ATP6V0D2: variants seen among roughly 807,000 people sequenced by gnomAD.
ATP6V0D2 encodes ATPase H+ transporting V0 subunit d2.
Under a neutral mutation model 40.0 loss-of-function variants are expected in ATP6V0D2, and 40 were observed. The observed-to-expected ratio is 1.00, with a 90% confidence interval of 0.78 to 1.30. The LOEUF (loss-of-function observed/expected upper bound fraction) is 1.30, where lower values mean the gene tolerates loss of function less well. Ranked by LOEUF, ATP6V0D2 falls within the 50% of genes most tolerant of loss-of-function variation. ATP6V0D2 has a pLI of 0.00. For synonymous variants in ATP6V0D2, 179 were observed against 156.3 expected (o/e 1.15, Z -1.08); for missense variants, 470 against 423.1 (o/e 1.11, Z -0.97).
At chr8:86,127,108 G>A (rs1200024918) in intron 2 of ATP6V0D2, among the ~76,000 whole-genome samples, 1 of 152,162 alleles carries the variant, frequency 6.6e-6, no homozygotes, top group Admixed American at 6.5e-5. Context: ...AAAAAGGGAA[G>A]CTTCAGAGAA....
intron 2 of ATP6V0D2, among the ~76,000 whole-genome samples, chr8:86,135,745 G>A (rs532283694): frequency 7.2e-4 from 110 of 152,260 alleles, no homozygotes; most frequent in African/African-American, 2.6e-3. Context: ...ATGAGTAGGA[G>A]AAAAATTAAC....
chr8:86,130,531 A>C (rs1818808988), intron 2 of ATP6V0D2, among the ~76,000 whole-genome samples: 1 of 152,184 alleles, frequency 6.6e-6, no homozygotes, highest in Non-Finnish European at 1.5e-5. Context: ...CTTAAGAGAC[A>C]GACAGGAAAA....
chr8:86,112,533 T>C (rs1452476638), intron 1 of ATP6V0D2, among the ~76,000 whole-genome samples: 1 of 152,140 alleles, frequency 6.6e-6, no homozygotes, highest in African/African-American at 2.4e-5. Context: ...GAGTATTAAA[T>C]GAGATAATAC....
chr8:86,126,238 A>ATATATATATATATATATATATATATATC (rs1563560543), intron 2 of ATP6V0D2, among the ~76,000 whole-genome samples: 1 of 76,446 alleles, frequency 1.3e-5, no homozygotes, highest in Non-Finnish European at 2.6e-5. Flanking sequence ...TGCTCAGCCT[A>ATATATATATATATATATATATATATATC]TATATATATA....
At chr8:86,119,868 G>A (rs1433109482) in intron 2 of ATP6V0D2, among the ~76,000 whole-genome samples, 1 of 152,060 alleles carries the variant, frequency 6.6e-6, no homozygotes, top group African/African-American at 2.4e-5. Flanking sequence ...TCTCTGTCTG[G>A]ACTCCCTATT....
At chr8:86,120,965 G>C (rs1156550317) in intron 2 of ATP6V0D2, among the ~76,000 whole-genome samples, 3 of 152,098 alleles carry the variant, frequency 2.0e-5, no homozygotes, top group Non-Finnish European at 4.4e-5. Flanking sequence ...GTTGGCCTTG[G>C]AATGGAGCCC....
rs1818358337 is a variant in ATP6V0D2 at position 86,099,073 on chromosome 8, A to T, written c.95A>T (p.Asp32Val). Reference protein sequence around the residue: ...GCKASLLTQQDYINLVQCETL... With the variant: ...GCKASLLTQQVYINLVQCETL... ...AAGGCCAGCCTCCTGACCCAGCAAG[A>T]CTATATCAACCTGGTCCAGTGTGAG... Residue 32 changes from aspartate (D) to valine (V), a missense_variant, in exon 1 of 8, where the codon GAC becomes GTC. Coordinates refer to ENST00000285393, the MANE Select transcript of ATP6V0D2 (RefSeq NM_152565.1). 6.2e-7 allele frequency: 1 copy of T among 1,613,672 alleles called. No individual in the cohort carries two copies. Among genetic ancestry groups the T allele is most frequent in the African/African-American group, 1.3e-5 (1 of 74,778 alleles).
At chr8:86,111,799 C>T (rs569254130) in intron 1 of ATP6V0D2, among the ~76,000 whole-genome samples, 6 of 152,204 alleles carry the variant, frequency 3.9e-5, no homozygotes, top group Non-Finnish European at 7.3e-5. Context: ...TCATCTCCTT[C>T]AAGACACTTT....
Position 86,099,016 on chromosome 8 carries a change from A to T in ATP6V0D2, c.38A>T (p.His13Leu). 3.7e-6 allele frequency: 6 copies of T among 1,614,020 alleles called. No homozygotes were observed. Among genetic ancestry groups the T allele is most frequent in the Non-Finnish European group, 4.2e-6 (5 of 1,179,996 alleles). ...EGAELYFNVD[H>L]GYLEGLVRGC... ...GCGGAGCTGTACTTCAACGTGGACC[A>T]TGGCTACCTGGAGGGCCTGGTTCGA... is the stretch of plus-strand genomic sequence containing the variant. Residue 13 changes from histidine (H) to leucine (L), a missense_variant, in exon 1 of 8, where the codon CAT (histidine) becomes CTT (leucine). Coordinates refer to ENST00000285393, the MANE Select transcript of ATP6V0D2 (RefSeq NM_152565.1).
intron 2 of ATP6V0D2, among the ~76,000 whole-genome samples, chr8:86,118,032 TTTTC>T (rs1563558109): frequency 3.4e-5 from 5 of 148,102 alleles, no homozygotes; most frequent in South Asian, 2.2e-4. Flanking sequence ...CTTTCTTTTT[TTTTC>T]TTTCTTTCTT....
intron 1 of ATP6V0D2, among the ~76,000 whole-genome samples, chr8:86,102,942 C>T (rs921521253): frequency 6.6e-6 from 1 of 152,162 alleles, no homozygotes; most frequent in African/African-American, 2.4e-5. Context: ...AACACTACTG[C>T]TTGCATCAGA....
intron 2 of ATP6V0D2, among the ~76,000 whole-genome samples, chr8:86,135,043 G>C (rs1224110995): frequency 1.3e-5 from 2 of 152,174 alleles, no homozygotes; most frequent in East Asian, 3.9e-4. Flanking sequence ...GGGTGGGAAA[G>C]GGTGGGTGTG....
intron 2 of ATP6V0D2, among the ~76,000 whole-genome samples, chr8:86,131,510 T>C (rs1430860627): frequency 6.6e-6 from 1 of 151,458 alleles, no homozygotes; most frequent in Non-Finnish European, 1.5e-5. Flanking sequence ...TTTTTATTTA[T>C]TTATTTTTGA....
intron 1 of ATP6V0D2, among the ~76,000 whole-genome samples, chr8:86,107,745 G>C (rs1241613244): frequency 1.3e-5 from 2 of 152,118 alleles, no homozygotes; most frequent in African/African-American, 4.8e-5. Context: ...TGGGAAAATC[G>C]ATTCAAAGAT....
chr8:86,119,030 TG>T (rs1279900192), intron 2 of ATP6V0D2, among the ~76,000 whole-genome samples: 1 of 152,068 alleles, frequency 6.6e-6, no homozygotes, highest in Non-Finnish European at 1.5e-5. Flanking sequence ...ACCATGACAG[TG>T]ACAGAGGGCA....
chr8:86,147,204 G>A (rs1308427464), intron 5 of ATP6V0D2, among the ~76,000 whole-genome samples: 1 of 151,998 alleles, frequency 6.6e-6, no homozygotes, highest in Non-Finnish European at 1.5e-5. Context: ...CTTTTCCATT[G>A]CCACTGACAT....
intron 3 of ATP6V0D2, among the ~76,000 whole-genome samples, chr8:86,139,859 C>A (rs533150583): frequency 6.6e-6 from 1 of 152,286 alleles, no homozygotes; most frequent in South Asian, 2.1e-4. Context: ...ACAAATGAAG[C>A]AACCTGCTCA....
At chr8:86,105,587 C>A (rs534220853) in intron 1 of ATP6V0D2, among the ~76,000 whole-genome samples, 1 of 149,732 alleles carries the variant, frequency 6.7e-6, no homozygotes, top group Non-Finnish European at 1.5e-5. Flanking sequence ...TGTAAGCCAG[C>A]GAGTGCCTAG....
intron 1 of ATP6V0D2, 45 bp from the exon 2 acceptor site, chr8:86,113,664 G>A (rs755536620): frequency 1.3e-6 from 2 of 1,516,534 alleles, no homozygotes; most frequent in Non-Finnish European, 1.8e-6. Flanking sequence ...AGCTATTTGT[G>A]TATGTTCAAA....
Sources: allele counts gnomAD v4.1 joint callset (sites outside exome capture counted in the v4.1 genomes callset), GRCh38; gene constraint gnomAD v4.1.1; transcripts MANE v1.5; gene names NCBI Gene and HGNC (gene_info 2026-07-23, HGNC 2026-07-21).